FSTL4: variants seen among roughly 807,000 people sequenced by gnomAD.
The protein encoded by FSTL4 is follistatin-related protein 4.
In FSTL4, 28 loss-of-function variants were observed where a neutral mutation model predicts 78.2. That is an observed-to-expected ratio of 0.36 (90% CI 0.27 to 0.49). The LOEUF (loss-of-function observed/expected upper bound fraction) is 0.49, where lower values mean the gene tolerates loss of function less well. FSTL4 is among the 20% of genes least tolerant of loss of function. The pLI is 0.98. For missense variants in FSTL4, 922 were observed against 1,084.9 expected (o/e 0.85, Z 2.11); for synonymous variants, 422 against 440.5 (o/e 0.96, Z 0.53).
the FSTL4 span, among the ~76,000 whole-genome samples, chr5:133,735,775 C>A: frequency 3.9e-5 from 6 of 152,150 alleles, no homozygotes; most frequent in African/African-American, 1.4e-4. Context: ...ATTGTTATGA[C>A]CCCTCCATTT....
intron 6 of FSTL4, chr5:133,275,788 G>C (rs1381779345): frequency 6.6e-6 from 1 of 152,178 alleles, no homozygotes; most frequent in Non-Finnish European, 1.5e-5. Context: ...GGGAATGAAG[G>C]TTTCGAAGTG....
chr5:133,504,332 T>C (rs1283176096), intron 3 of FSTL4, among the ~76,000 whole-genome samples: 2 of 152,110 alleles, frequency 1.3e-5, no homozygotes, highest in Non-Finnish European at 2.9e-5. Flanking sequence ...CCATATCTGA[T>C]CAAAACGCTC....
At chr5:133,223,201 C>T (rs1404986227) in intron 11 of FSTL4, among the ~76,000 whole-genome samples, 1 of 152,224 alleles carries the variant, frequency 6.6e-6, no homozygotes, top group Non-Finnish European at 1.5e-5. Context: ...CCTAAGGGGC[C>T]GCTGTGATCA....
chr5:133,317,258 C>G (rs1003038183), intron 4 of FSTL4, among the ~76,000 whole-genome samples: 7 of 152,220 alleles, frequency 4.6e-5, no homozygotes, highest in Non-Finnish European at 1.0e-4. Flanking sequence ...TTATCCCAGG[C>G]GCGCTTGCTG....
chr5:133,705,096 T>G, the FSTL4 span, among the ~76,000 whole-genome samples: 27 of 152,320 alleles, frequency 1.8e-4, no homozygotes, highest in Admixed American at 1.7e-3. Flanking sequence ...AGTCTCGCTC[T>G]GTTGCCCAGG....
intron 3 of FSTL4, among the ~76,000 whole-genome samples, chr5:133,530,521 G>A (rs1306993019): frequency 6.6e-6 from 1 of 152,212 alleles, no homozygotes; most frequent in Non-Finnish European, 1.5e-5. Flanking sequence ...AAGTAAATAA[G>A]CTTAAATGAA....
intron 3 of FSTL4, among the ~76,000 whole-genome samples, chr5:133,430,175 G>T (rs937870944): frequency 2.0e-5 from 3 of 152,158 alleles, no homozygotes; most frequent in Non-Finnish European, 2.9e-5. Context: ...TTCACACTAG[G>T]GGCAAACTTT....
chr5:133,414,014 C>T (rs1267474106), intron 3 of FSTL4, among the ~76,000 whole-genome samples: 1 of 151,772 alleles, frequency 6.6e-6, no homozygotes, highest in Non-Finnish European at 1.5e-5. Context: ...TGGCATTCTC[C>T]TTTTGGTGTT....
chr5:133,267,725 C>T (rs888308495), intron 6 of FSTL4, among the ~76,000 whole-genome samples: 2 of 152,162 alleles, frequency 1.3e-5, no homozygotes, highest in African/African-American at 4.8e-5. Context: ...GTCATTAACA[C>T]ACAGGCAGAA....
intron 3 of FSTL4, among the ~76,000 whole-genome samples, chr5:133,550,595 A>C (rs1260760825): frequency 6.6e-6 from 1 of 152,214 alleles, no homozygotes; most frequent in Non-Finnish European, 1.5e-5. Context: ...TAATCCATAC[A>C]ACTGCCATAG....
At chr5:133,351,754 T>C (rs1754828613) in intron 4 of FSTL4, among the ~76,000 whole-genome samples, 1 of 152,114 alleles carries the variant, frequency 6.6e-6, no homozygotes, top group Non-Finnish European at 1.5e-5. Context: ...CCTACAGGCA[T>C]GCACTACCTT....
intron 3 of FSTL4, among the ~76,000 whole-genome samples, chr5:133,542,204 A>G (rs1228819229): frequency 6.6e-6 from 1 of 152,216 alleles, no homozygotes; most frequent in Admixed American, 6.5e-5. Flanking sequence ...ATGAATGGAT[A>G]TTAGATTTTT....
At chr5:133,684,957 T>C in the FSTL4 span, among the ~76,000 whole-genome samples, 1 of 152,206 alleles carries the variant, frequency 6.6e-6, no homozygotes, top group Admixed American at 6.5e-5. Flanking sequence ...AAGATTTAAA[T>C]AGCAGACATG....
chr5:133,332,865 A>G (rs766202003), intron 4 of FSTL4, among the ~76,000 whole-genome samples: 10 of 151,980 alleles, frequency 6.6e-5, no homozygotes, highest in Non-Finnish European at 1.2e-4. Flanking sequence ...TGAGGATAAC[A>G]CTCTGGTAAG....
chr5:133,421,798 T>C (rs1367597338), intron 3 of FSTL4, among the ~76,000 whole-genome samples: 1 of 152,154 alleles, frequency 6.6e-6, no homozygotes, highest in African/African-American at 2.4e-5. Context: ...CAGATACCTA[T>C]TGAGTGTGTG....
intron 3 of FSTL4, among the ~76,000 whole-genome samples, chr5:133,548,790 A>G (rs1476993179): frequency 6.6e-6 from 1 of 152,240 alleles, no homozygotes; most frequent in East Asian, 1.9e-4. Context: ...AACTCTGAAG[A>G]AAAGGTTAAT....
intron 3 of FSTL4, among the ~76,000 whole-genome samples, chr5:133,489,091 G>A (rs554079634): frequency 2.6e-5 from 4 of 152,172 alleles, no homozygotes; most frequent in African/African-American, 7.2e-5. Flanking sequence ...ATCCTGGCAC[G>A]GGGTGCCACT....
At chr5:133,790,572 CCT>C in the FSTL4 span, among the ~76,000 whole-genome samples, 1 of 152,150 alleles carries the variant, frequency 6.6e-6, no homozygotes, top group African/African-American at 2.4e-5. Context: ...CTAGCCCTGA[CCT>C]CTCTCCAGGA....
chr5:133,724,561 A>G, the FSTL4 span, among the ~76,000 whole-genome samples: 1 of 152,028 alleles, frequency 6.6e-6, no homozygotes. Context: ...CTTTTTACCC[A>G]TTTTTTAAAT....
Sources: gnomAD v4.1 joint callset for allele counts (sites outside exome capture counted in the v4.1 genomes callset) on GRCh38, gnomAD v4.1.1 for gene constraint, MANE v1.5 for transcripts, NCBI Gene and HGNC (gene_info 2026-07-23, HGNC 2026-07-21) for gene names.